ROBO1: variants seen among roughly 807,000 people sequenced by gnomAD.
ROBO1 encodes the protein roundabout homolog 1.
ROBO1 carries 149 observed loss-of-function variants against 195.9 expected under a neutral mutation model. That is an observed-to-expected ratio of 0.76 (90% confidence interval 0.67 to 0.87). ROBO1 has a LOEUF of 0.87. ROBO1 is among the 40% of genes least tolerant of loss of function. The probability of loss-of-function intolerance (pLI) is 0.00; values close to 1 mark genes in which losing one functional copy is unlikely to be tolerated. For synonymous variants in ROBO1, 816 were observed against 733.2 expected, an observed-to-expected ratio of 1.11 and a Z score of -1.82; for missense variants, 1,933 against 2,068.3, an observed-to-expected ratio of 0.93 and a Z score of 1.27.
intron 1 of ROBO1, among the ~76,000 whole-genome samples, chr3:79,625,369 T>G (rs1165047816): frequency 1.0e-5 from 1 of 96,332 alleles, no homozygotes. Flanking sequence ...TTGAAAGAGA[T>G]AGACACACGA....
At chr3:78,636,669 T>C (rs1450579147) in intron 22 of ROBO1, among the ~76,000 whole-genome samples, 1 of 151,818 alleles carries the variant, frequency 6.6e-6, no homozygotes, top group African/African-American at 2.4e-5. Flanking sequence ...ATTCTATTAG[T>C]TCTTGTTGTA....
chr3:78,711,455 C>T (rs2081741076), intron 8 of ROBO1, among the ~76,000 whole-genome samples: 1 of 117,238 alleles, frequency 8.5e-6, no homozygotes, highest in Non-Finnish European at 1.8e-5. Flanking sequence ...TTCCTTCCTT[C>T]CTTCCTTCCT....
chr3:79,167,239 T>C (rs976890152), intron 2 of ROBO1, among the ~76,000 whole-genome samples: 5 of 152,050 alleles, frequency 3.3e-5, no homozygotes, highest in African/African-American at 1.2e-4. Flanking sequence ...CGCTAGTAAA[T>C]TTTCTTGCAG....
Position 79,700,868 on chromosome 3 carries a change from G to C in ROBO1, c.-51+66884C>G, listed in dbSNP as rs1463971305. On this transcript the variant is annotated intron_variant, in intron 1 of 30. Coordinates refer to ENST00000464233, the MANE Select transcript of ROBO1 (RefSeq NM_002941.4). ...TTCAATTTTTGTTTTTATGGCAGTT[G>C]CTTCTGAGGACTTAGCCATAAATTC... is the stretch of plus-strand genomic sequence containing the variant. Among the ~76,000 whole-genome samples, 3 of 151,574 alleles carry C rather than the reference G, an allele frequency of 2.0e-5. No homozygotes were observed. The East Asian group carries it at 5.8e-4, about 29-fold the overall frequency.
chr3:79,380,035 C>T (rs1444829878), intron 2 of ROBO1, among the ~76,000 whole-genome samples: 8 of 152,190 alleles, frequency 5.3e-5, no homozygotes. Context: ...TGTGTTCCTA[C>T]TTCTTTTGTC....
intron 2 of ROBO1, among the ~76,000 whole-genome samples, chr3:79,166,651 C>T (rs769609086): frequency 4.6e-5 from 7 of 150,718 alleles, no homozygotes; most frequent in African/African-American, 1.5e-4. Flanking sequence ...CTGCAAGCTC[C>T]GCCTCCCGGG....
At chr3:78,948,783 A>C (rs2040602718) in intron 3 of ROBO1, among the ~76,000 whole-genome samples, 2 of 152,030 alleles carry the variant, frequency 1.3e-5, no homozygotes. Flanking sequence ...TCAGCCCAAA[A>C]TCTCAAGCTG....
Position 79,223,830 on chromosome 3 carries a change from C to T in ROBO1, c.89-98291G>A, listed in dbSNP as rs528025183. Reference sequence around the variant, plus strand: ...CTTAGTTTAATGTCAGTCGGTCTTACGTAGATGACTCTAAAACAATAGAAA... The same window carrying T: ...CTTAGTTTAATGTCAGTCGGTCTTATGTAGATGACTCTAAAACAATAGAAA... On this transcript the variant is annotated intron_variant, in intron 2 of 30. Coordinates refer to ENST00000464233, the MANE Select transcript of ROBO1 (RefSeq NM_002941.4). Among the ~76,000 whole-genome samples the T allele has an allele frequency of 3.3e-5, 5 of 152,206 alleles. No individual in the cohort carries two copies. The East Asian group carries it at 5.8e-4, about 18-fold the overall frequency.
At chr3:79,643,521 C>A (rs889860758) in intron 1 of ROBO1, among the ~76,000 whole-genome samples, 2 of 152,072 alleles carry the variant, frequency 1.3e-5, no homozygotes, top group Non-Finnish European at 2.9e-5. Flanking sequence ...AAAAGCTATG[C>A]AAATTAGACA....
intron 1 of ROBO1, among the ~76,000 whole-genome samples, chr3:79,760,396 C>A (rs1230721608): frequency 1.4e-5 from 2 of 146,070 alleles, no homozygotes; most frequent in Non-Finnish European, 3.0e-5. Context: ...TTTAACAAAG[C>A]ACAGTGTATA....
chr3:79,572,210 T>C (rs1184063636), intron 2 of ROBO1, among the ~76,000 whole-genome samples: 1 of 152,002 alleles, frequency 6.6e-6, no homozygotes, highest in African/African-American at 2.4e-5. Context: ...ACATTAAATA[T>C]TAAAGACCTT....
At chr3:79,740,130 T>A (rs1338523696) in intron 1 of ROBO1, among the ~76,000 whole-genome samples, 1 of 149,658 alleles carries the variant, frequency 6.7e-6, no homozygotes, top group Non-Finnish European at 1.5e-5. Flanking sequence ...CTTCAAGAGA[T>A]CCTACTAAAT....
chr3:79,006,682 G>A (rs1207859118), intron 3 of ROBO1, among the ~76,000 whole-genome samples: 1 of 5,976 alleles, frequency 1.7e-4, no homozygotes, highest in African/African-American at 2.5e-4. Flanking sequence ...CCACTCCTTG[G>A]CCCTAATACA....
intron 3 of ROBO1, among the ~76,000 whole-genome samples, chr3:79,123,385 A>AT (rs980326814): frequency 6.6e-6 from 1 of 151,948 alleles, no homozygotes; most frequent in Non-Finnish European, 1.5e-5. Context: ...TTTAACTAAT[A>AT]TTTTTAACTA....
chr3:79,601,633 TA>T (rs1423978465), intron 1 of ROBO1, among the ~76,000 whole-genome samples: 1 of 151,956 alleles, frequency 6.6e-6, no homozygotes, highest in Non-Finnish European at 1.5e-5. Flanking sequence ...AGTACAAACA[TA>T]AAAACTATAA....
intron 4 of ROBO1, among the ~76,000 whole-genome samples, chr3:78,834,090 A>C (rs2032481540): frequency 6.6e-6 from 1 of 152,132 alleles, no homozygotes; most frequent in Non-Finnish European, 1.5e-5. Context: ...ATGGAAAATT[A>C]TCGCTTATGT....
Position 78,640,463 on chromosome 3 carries a change from T to C in ROBO1, c.2883-565A>G, listed in dbSNP as rs114088264. On this transcript the variant is annotated intron_variant, in intron 21 of 30. Transcript: ENST00000464233. ...CCTCATCAATGTTTCAGAGCATAGT[T>C]CTGTAAGCTTGTCAACATTTTCTGA... 7.2e-3 allele frequency among the ~76,000 whole-genome samples: 1,103 copies of C among 152,340 alleles called. 9 individuals carry two copies. Among genetic ancestry groups the C allele is most frequent in the African/African-American group, 0.025 (1,056 of 41,582 alleles).
intron 2 of ROBO1, among the ~76,000 whole-genome samples, chr3:79,262,719 A>C (rs2108945498): frequency 6.6e-6 from 1 of 152,266 alleles, no homozygotes; most frequent in South Asian, 2.1e-4. Context: ...ATTTTACTAT[A>C]AAAAGCAGCA....
chr3:79,124,615 CAA>C (rs2080180789), intron 3 of ROBO1, among the ~76,000 whole-genome samples: 1 of 152,104 alleles, frequency 6.6e-6, no homozygotes, highest in African/African-American at 2.4e-5. Flanking sequence ...CACAACTTAG[CAA>C]AGTCTATGGA....
Sources: allele counts gnomAD v4.1 joint callset (sites outside exome capture counted in the v4.1 genomes callset), GRCh38; gene constraint gnomAD v4.1.1; transcripts MANE v1.5; gene names NCBI Gene and HGNC (gene_info 2026-07-23, HGNC 2026-07-21).